Variants in WWOX observed in about 807,000 individuals in gnomAD.
The protein encoded by WWOX is WW domain containing oxidoreductase, also known as WW domain-containing oxidoreductase.
WWOX carries 69 observed loss-of-function variants against 46.2 expected under a neutral mutation model. That is an observed-to-expected ratio of 1.49 (90% CI 1.23 to 1.82). The LOEUF (loss-of-function observed/expected upper bound fraction) is 1.82, where lower values mean the gene tolerates loss of function less well. WWOX is among the 40% of genes most tolerant of loss of function. The probability of loss-of-function intolerance (pLI) is 0.00; values close to 1 mark genes in which losing one functional copy is unlikely to be tolerated. For synonymous variants in WWOX, 359 were observed against 202.6 expected (o/e 1.77, Z -6.56); for missense variants, 919 against 542.6 (o/e 1.69, Z -6.89).
rs534578011 is a variant in WWOX at position 79,112,243 on chromosome 16, C to G, written c.1057-99365C>G. Among the ~76,000 whole-genome samples the G allele has an allele frequency of 2.6e-5, 4 of 152,250 alleles. No individual in the cohort carries two copies. In the South Asian group the frequency reaches 8.3e-4, roughly 32 times the overall value. ...TCTTGGTTTGTGTCTACTGACCCAA[C>G]AAAAGGGCTGTCCACTTGACGGACA... On this transcript the variant is annotated intron_variant, in intron 8 of 8. Transcript: ENST00000566780.
At chr16:78,185,618 C>G (rs762662762) in intron 5 of WWOX, among the ~76,000 whole-genome samples, 2 of 151,938 alleles carry the variant, frequency 1.3e-5, no homozygotes, top group Non-Finnish European at 1.5e-5. Context: ...TGCGTTCATT[C>G]AAAGAAAATA....
intron 8 of WWOX, among the ~76,000 whole-genome samples, chr16:78,435,502 T>C (rs2083315080): frequency 6.6e-6 from 1 of 152,114 alleles, no homozygotes; most frequent in Non-Finnish European, 1.5e-5. Flanking sequence ...GATCCCTGAG[T>C]GAGAAAGCTG....
At chr16:78,305,986 G>A (rs564158713) in intron 5 of WWOX, among the ~76,000 whole-genome samples, 3 of 151,930 alleles carry the variant, frequency 2.0e-5, no homozygotes, top group Admixed American at 2.0e-4. Flanking sequence ...TAATACAGAT[G>A]TCCTTTACAT....
intron 8 of WWOX, chr16:79,090,069 A>G (rs1360238031): frequency 6.6e-6 from 1 of 152,222 alleles, no homozygotes; most frequent in Non-Finnish European, 1.5e-5. Flanking sequence ...ATGGGAACCC[A>G]GCTGGAAAGT....
chr16:78,939,059 A>G (rs2151290284), intron 8 of WWOX, among the ~76,000 whole-genome samples: 1 of 152,366 alleles, frequency 6.6e-6, no homozygotes, highest in Non-Finnish European at 1.5e-5. Flanking sequence ...TGGAATTTCT[A>G]AATGGAGTGG....
intron 4 of WWOX, among the ~76,000 whole-genome samples, chr16:78,148,525 T>A (rs985822049): frequency 2.0e-5 from 3 of 151,880 alleles, no homozygotes; most frequent in Non-Finnish European, 4.4e-5. Context: ...TTTTTTTTTT[T>A]AACAGGAGGC....
At chr16:78,361,758 C>A (rs2081414539) in intron 5 of WWOX, among the ~76,000 whole-genome samples, 1 of 151,978 alleles carries the variant, frequency 6.6e-6, no homozygotes, top group Non-Finnish European at 1.5e-5. Context: ...ATTACAGGTC[C>A]ATGCCACCAT....
chr16:78,249,916 A>T (rs1416795237), intron 5 of WWOX, among the ~76,000 whole-genome samples: 1 of 152,286 alleles, frequency 6.6e-6, no homozygotes, highest in Non-Finnish European at 1.5e-5. Flanking sequence ...GTGAGATAGC[A>T]AAGAGAACTC....
intron 8 of WWOX, among the ~76,000 whole-genome samples, chr16:78,964,248 G>A (rs569042808): frequency 6.6e-6 from 1 of 152,292 alleles, no homozygotes; most frequent in Non-Finnish European, 1.5e-5. Flanking sequence ...ACAGGAAAAT[G>A]TGGGAAAGTT....
chr16:78,889,881 T>C lies in WWOX; in HGVS notation c.1057-321727T>C, dbSNP rs535324552. Among the ~76,000 whole-genome samples the C allele has an allele frequency of 1.2e-4, 19 of 152,320 alleles. No individual in the cohort carries two copies. The East Asian group carries it at 3.3e-3, about 26-fold the overall frequency. On this transcript the variant is annotated intron_variant, in intron 8 of 8. Coordinates refer to ENST00000566780, the MANE Select transcript of WWOX (RefSeq NM_016373.4). ...AGAAAGTCCATAGTTTATGATGAAT[T>C]TTCTATTAATGTAAACTCCCACTGT...
intron 8 of WWOX, among the ~76,000 whole-genome samples, chr16:78,701,172 G>A (rs1400645214): frequency 3.3e-5 from 5 of 152,126 alleles, no homozygotes; most frequent in Admixed American, 1.3e-4. Flanking sequence ...AACAGGACCT[G>A]GCATGCAGTG....
At chr16:78,297,218 C>T (rs182769630) in intron 5 of WWOX, among the ~76,000 whole-genome samples, 10 of 152,216 alleles carry the variant, frequency 6.6e-5, no homozygotes, top group East Asian at 1.9e-4. Flanking sequence ...TTACGGCTCT[C>T]GCACGGAGCA....
At chr16:78,612,236 G>A (rs867784854) in intron 8 of WWOX, among the ~76,000 whole-genome samples, 10 of 152,190 alleles carry the variant, frequency 6.6e-5, no homozygotes, top group Non-Finnish European at 5.9e-5. Context: ...AGAATGAAAA[G>A]CAATTGCAAG....
chr16:78,112,717 A>C (rs942440052), intron 3 of WWOX, among the ~76,000 whole-genome samples: 69 of 40,038 alleles, frequency 1.7e-3, no homozygotes, highest in African/African-American at 5.7e-3. Context: ...TTTTTTTTTT[A>C]TACTGGGTCT....
rs549946611 is a variant in WWOX, at chr16:78,590,440, T to C, written c.1056+157688T>C. ...GGGTGCGGGAAGAACCCTTCAACTCTAATATTATTTGAGCTGCTCACTGAT... is the reference window on the plus strand; with the variant it reads ...GGGTGCGGGAAGAACCCTTCAACTCCAATATTATTTGAGCTGCTCACTGAT... On this transcript the variant is annotated intron_variant, in intron 8 of 8. Coordinates refer to ENST00000566780, the MANE Select transcript of WWOX (RefSeq NM_016373.4). Among the ~76,000 whole-genome samples the C allele has an allele frequency of 2.6e-5, 4 of 152,324 alleles. No homozygotes were observed. In the East Asian group the frequency reaches 7.7e-4, roughly 29 times the overall value.
chr16:78,870,049 C>A (rs891086129), intron 8 of WWOX, among the ~76,000 whole-genome samples: 8 of 152,204 alleles, frequency 5.3e-5, no homozygotes, highest in Non-Finnish European at 1.2e-4. Flanking sequence ...CTTCCATCAA[C>A]TACAAATCAT....
chr16:78,886,028 A>C (rs1453379564), intron 8 of WWOX, among the ~76,000 whole-genome samples: 2 of 151,006 alleles, frequency 1.3e-5, no homozygotes, highest in African/African-American at 4.9e-5. Context: ...AAGTTCAAGC[A>C]ATTCTCCCAC....
At chr16:78,390,831 C>A (rs1393206765) in intron 6 of WWOX, among the ~76,000 whole-genome samples, 1 of 152,182 alleles carries the variant, frequency 6.6e-6, no homozygotes, top group African/African-American at 2.4e-5. Flanking sequence ...CAGTTCAGAA[C>A]CAATCTCTTT....
Position 79,211,942 on chromosome 16 carries a change from T to C in WWOX, c.*146T>C, listed in dbSNP as rs999786665. 1 of 1,537,210 alleles carries C rather than the reference T, an allele frequency of 6.5e-7. No individual in the cohort carries two copies. The highest frequency in any genetic ancestry group is 8.7e-7 in the Non-Finnish European group (1 of 1,147,086). ...AGAGCAGTCACAACAGAGTGAAAAA[T>C]CTTAAGTACCAATGGGAAGCAGGGA... On this transcript the variant is annotated 3_prime_UTR_variant, in exon 9 of 9. Transcript: ENST00000566780.
Sources: allele counts gnomAD v4.1 joint callset (sites outside exome capture counted in the v4.1 genomes callset), GRCh38; gene constraint gnomAD v4.1.1; transcripts MANE v1.5; gene names NCBI Gene and HGNC (gene_info 2026-07-23, HGNC 2026-07-21).